IRAK2: variants seen among roughly 807,000 people sequenced by gnomAD.
The protein encoded by IRAK2 is interleukin-1 receptor-associated kinase-like 2.
A neutral mutation model predicts 72.0 loss-of-function variants in IRAK2; 57 were observed. The ratio of observed to expected loss-of-function variants is 0.79; its 90% CI spans 0.64 to 0.99. IRAK2 has a LOEUF of 0.99. Among genes scored for constraint, IRAK2 ranks in the 50% least tolerant of loss-of-function variants. IRAK2 has a pLI of 0.00. For synonymous variants in IRAK2, 293 were observed against 312.7 expected (o/e 0.94, Z 0.67); for missense variants, 790 against 794.4 (o/e 0.99, Z 0.07).
chr3:10,170,661 G>A (rs1160155963), intron 1 of IRAK2, among the ~76,000 whole-genome samples: 3 of 152,174 alleles, frequency 2.0e-5, no homozygotes, highest in Non-Finnish European at 4.4e-5. Context: ...TTTCACTGCT[G>A]TATTCCCAGA....
At chr3:10,209,457 G>A in intron 3 of IRAK2, 132 bp from the exon 4 acceptor site, 1 of 528,746 alleles carries the variant, frequency 1.9e-6, no homozygotes, top group South Asian at 4.0e-5. Flanking sequence ...GGCACATGGT[G>A]GGTGTCAGGA....
chr3:10,176,614 A>G (rs980042181), intron 1 of IRAK2, among the ~76,000 whole-genome samples: 2 of 150,850 alleles, frequency 1.3e-5, no homozygotes, highest in Admixed American at 6.6e-5. Flanking sequence ...AGTAGCTGGG[A>G]CTACAGGTGC....
chr3:10,228,415 C>G (rs1697812156), intron 10 of IRAK2, among the ~76,000 whole-genome samples: 2 of 152,022 alleles, frequency 1.3e-5, no homozygotes, highest in African/African-American at 4.8e-5. Context: ...TCTGTCTGGG[C>G]AGCTCAGATG....
At chr3:10,222,054 AT>A (rs1309674334) in intron 8 of IRAK2, among the ~76,000 whole-genome samples, 1 of 151,848 alleles carries the variant, frequency 6.6e-6, no homozygotes, top group Non-Finnish European at 1.5e-5. Flanking sequence ...CGGCTGGTTA[AT>A]TTTTGTATTT....
chr3:10,171,452 G>A (rs1022008292), intron 1 of IRAK2, among the ~76,000 whole-genome samples: 3 of 152,076 alleles, frequency 2.0e-5, no homozygotes, highest in Non-Finnish European at 2.9e-5. Flanking sequence ...GTGGGCATTC[G>A]ATTCTAAGAT....
chr3:10,224,538 A>ACCCTGCG (rs138513067), intron 9 of IRAK2, among the ~76,000 whole-genome samples: 383 of 150,358 alleles, frequency 2.5e-3, no homozygotes, highest in African/African-American at 7.0e-3. Flanking sequence ...TGCACCCTGC[A>ACCCTGCG]CCTACCAAGA....
chr3:10,236,177 T>C (rs2125165171), intron 11 of IRAK2, among the ~76,000 whole-genome samples: 1 of 152,042 alleles, frequency 6.6e-6, no homozygotes, highest in South Asian at 2.1e-4. Flanking sequence ...GCAAATGGCC[T>C]GAGCTGAGAG....
chr3:10,241,241 T>C (rs554270651), intron 12 of IRAK2, among the ~76,000 whole-genome samples: 1 of 149,472 alleles, frequency 6.7e-6, no homozygotes, highest in Admixed American at 6.7e-5. Flanking sequence ...TGAAAACCTG[T>C]CTCTACGAAA....
chr3:10,167,953 G>T (rs1055675444), intron 1 of IRAK2, among the ~76,000 whole-genome samples: 1 of 152,096 alleles, frequency 6.6e-6, no homozygotes, highest in African/African-American at 2.4e-5. Context: ...GTGCACTGCT[G>T]CACCCAGCTA....
intron 3 of IRAK2, among the ~76,000 whole-genome samples, chr3:10,204,342 G>C (rs1697406364): frequency 6.6e-6 from 1 of 152,198 alleles, no homozygotes; most frequent in Admixed American, 6.5e-5. Flanking sequence ...GCAGCTGGGG[G>C]TAGACCCGCT....
intron 11 of IRAK2, among the ~76,000 whole-genome samples, chr3:10,235,346 G>A (rs1184670438): frequency 3.3e-5 from 5 of 150,524 alleles, no homozygotes; most frequent in Non-Finnish European, 7.4e-5. Context: ...TCCTTCTGTC[G>A]CCCAGGCTGG....
chr3:10,219,069 G>A (rs1006347166), intron 7 of IRAK2, among the ~76,000 whole-genome samples: 2 of 152,168 alleles, frequency 1.3e-5, no homozygotes, highest in Admixed American at 1.3e-4. Context: ...GTGGTGGCAC[G>A]TGCCTGTGAT....
At chr3:10,220,481 C>T (rs1004815632) in intron 8 of IRAK2, among the ~76,000 whole-genome samples, 1 of 152,056 alleles carries the variant, frequency 6.6e-6, no homozygotes, top group Non-Finnish European at 1.5e-5. Flanking sequence ...TCACGCTTGT[C>T]ACCCAGGCTG....
Position 10,216,923 on chromosome 3 carries a change from C to T in IRAK2, c.789-11C>T, listed in dbSNP as rs755446401. 10 of 1,606,272 alleles carry T rather than the reference C, an allele frequency of 6.2e-6. No individual in the cohort carries two copies. In the East Asian group the frequency reaches 2.2e-4, roughly 36 times the overall value. The stretch of plus-strand genomic sequence containing the variant: ...CTGACTCCTCACACCTGCACTGACG[C>T]CCGATTCCAGATGCTGCCACCCCAA... On this transcript the variant is annotated splice_polypyrimidine_tract_variant and intron_variant, in intron 6 of 12. Coordinates refer to ENST00000256458, the MANE Select transcript of IRAK2 (RefSeq NM_001570.4).
At chr3:10,202,386 G>A (rs1461301278) in intron 3 of IRAK2, among the ~76,000 whole-genome samples, 3 of 152,178 alleles carry the variant, frequency 2.0e-5, no homozygotes, top group Non-Finnish European at 4.4e-5. Context: ...CACTTTGGGA[G>A]GCTGAGGCGG....
At position 10,238,748 on chromosome 3, in the gene IRAK2, G is replaced by T. The variant is rs774933365; in HGVS notation, c.1474G>T (p.Val492Leu). Reference sequence around the variant, plus strand: ...CTCCCTTCTCTCTCTTCTCCCAAAGGTGTGTGGCTCTGTGGCTGCTGTGGA... The same window carrying T: ...CTCCCTTCTCTCTCTTCTCCCAAAGTTGTGTGGCTCTGTGGCTGCTGTGGA... ...LRRRNTSLQE[V>L]CGSVAAVEER... is the part of the protein sequence containing the mutation. Residue 492 changes from valine (V) to leucine (L), a missense_variant and splice_region_variant, in exon 12 of 13, where the codon GTG becomes TTG. Val to Leu is a conservative substitution (Grantham distance 32). Coordinates refer to ENST00000256458, the MANE Select transcript of IRAK2 (RefSeq NM_001570.4). 10 of 1,613,686 alleles carry T rather than the reference G, an allele frequency of 6.2e-6. No individual in the cohort carries two copies. The highest frequency in any genetic ancestry group is 8.5e-6 in the Non-Finnish European group (10 of 1,179,808).
At chr3:10,182,894 C>T (rs1444598121) in intron 2 of IRAK2, among the ~76,000 whole-genome samples, 1 of 151,828 alleles carries the variant, frequency 6.6e-6, no homozygotes, top group East Asian at 1.9e-4. Flanking sequence ...CCTCAGCCTC[C>T]CAAGTAGCTA....
At chr3:10,183,493 A>G (rs1209628163) in intron 2 of IRAK2, among the ~76,000 whole-genome samples, 1 of 152,184 alleles carries the variant, frequency 6.6e-6, no homozygotes, top group African/African-American at 2.4e-5. Context: ...CGAGGCGGGC[A>G]GATCACAAGG....
intron 1 of IRAK2, among the ~76,000 whole-genome samples, chr3:10,168,755 C>G (rs1243320350): frequency 6.6e-6 from 1 of 152,194 alleles, no homozygotes; most frequent in East Asian, 1.9e-4. Flanking sequence ...CTGACCTCCT[C>G]TTCTTCCACA....
Sources: allele counts gnomAD v4.1 joint callset (sites outside exome capture counted in the v4.1 genomes callset), GRCh38; gene constraint gnomAD v4.1.1; transcripts MANE v1.5; gene names NCBI Gene and HGNC (gene_info 2026-07-23, HGNC 2026-07-21).